The following CDH18 variants were observed in gnomAD, a reference collection of about 807,000 sequenced individuals.
The protein encoded by CDH18 is cadherin 18.
CDH18 carries 31 observed loss-of-function variants against 67.9 expected under a neutral mutation model. The ratio of observed to expected loss-of-function variants is 0.46; its 90% confidence interval spans 0.34 to 0.62. The LOEUF (loss-of-function observed/expected upper bound fraction) is 0.62, where lower values mean the gene tolerates loss of function less well. Ranked by LOEUF, CDH18 falls within the 20% of genes least tolerant of loss-of-function variation. The pLI, the probability that CDH18 is intolerant of heterozygous loss-of-function variation, is 0.01. For missense variants in CDH18, 890 were observed against 975.5 expected, an observed-to-expected ratio of 0.91 and a Z score of 1.17; for synonymous variants, 362 against 347.2, an observed-to-expected ratio of 1.04 and a Z score of -0.48.
intron 2 of CDH18, among the ~76,000 whole-genome samples, chr5:19,971,567 A>G (rs1009163261): frequency 8.6e-5 from 13 of 152,026 alleles, no homozygotes; most frequent in African/African-American, 2.9e-4. Flanking sequence ...ACTATGAAAC[A>G]TAAAACATAC....
At chr5:19,873,611 T>A (rs1255259736) in intron 2 of CDH18, among the ~76,000 whole-genome samples, 1 of 152,176 alleles carries the variant, frequency 6.6e-6, no homozygotes, top group Admixed American at 6.5e-5. Context: ...TGATGCATTA[T>A]CAACTTTATG....
At chr5:20,049,102 T>C (rs1741171413) in intron 2 of CDH18, among the ~76,000 whole-genome samples, 1 of 151,752 alleles carries the variant, frequency 6.6e-6, no homozygotes, top group Non-Finnish European at 1.5e-5. Flanking sequence ...AACTAACATG[T>C]ATTTACTAAA....
At chr5:20,151,594 A>T (rs1234166403) in intron 2 of CDH18, among the ~76,000 whole-genome samples, 1 of 152,124 alleles carries the variant, frequency 6.6e-6, no homozygotes. Flanking sequence ...ACTAATTTAC[A>T]TTCTCACCAA....
chr5:19,830,426 A>G (rs948469220), intron 3 of CDH18, among the ~76,000 whole-genome samples: 5 of 152,198 alleles, frequency 3.3e-5, no homozygotes, highest in Admixed American at 3.3e-4. Flanking sequence ...GCCAACAAGC[A>G]TATGAAAAAA....
intron 5 of CDH18, among the ~76,000 whole-genome samples, chr5:19,691,428 G>A (rs1371562119): frequency 6.6e-6 from 1 of 151,824 alleles, no homozygotes; most frequent in Admixed American, 6.6e-5. Flanking sequence ...AGGCAGACAA[G>A]TTGGAAAGGA....
chr5:19,755,263 T>C (rs1771383562), intron 3 of CDH18, among the ~76,000 whole-genome samples: 1 of 148,526 alleles, frequency 6.7e-6, no homozygotes, highest in Admixed American at 6.7e-5. Context: ...TAAATAAAAT[T>C]GATTGACCAT....
intron 9 of CDH18, among the ~76,000 whole-genome samples, chr5:19,541,354 T>G (rs185198428): frequency 6.6e-6 from 1 of 152,296 alleles, no homozygotes; most frequent in African/African-American, 2.4e-5. Flanking sequence ...TCCCACATTT[T>G]TTTTATCTTC....
rs200119172 is a variant in CDH18 at position 20,337,636 on chromosome 5, G to A, written c.-579-82131C>T. ...TGTTCATATCACTATCAGCATTTTTGTCAAAGCCATTCAACAAGTCTCTAG... is the reference window on the plus strand; with the variant it reads ...TGTTCATATCACTATCAGCATTTTTATCAAAGCCATTCAACAAGTCTCTAG... On this transcript the variant is annotated intron_variant, in intron 1 of 14. Coordinates refer to the CDH18 transcript ENST00000507958. 9.2e-5 allele frequency among the ~76,000 whole-genome samples: 14 copies of A among 152,166 alleles called. No individual in the cohort carries two copies. In the East Asian group the frequency reaches 2.5e-3, roughly 27 times the overall value.
intron 2 of CDH18, among the ~76,000 whole-genome samples, chr5:19,869,123 C>G (rs1170975486): frequency 6.6e-6 from 1 of 152,126 alleles, no homozygotes; most frequent in East Asian, 1.9e-4. Context: ...GCCATATGCA[C>G]ACTAGAATGC....
chr5:19,996,719 T>C (rs1454803721), intron 2 of CDH18, among the ~76,000 whole-genome samples: 1 of 152,020 alleles, frequency 6.6e-6, no homozygotes, highest in African/African-American at 2.4e-5. Context: ...TAATTTCTGT[T>C]CATATCCATT....
intron 10 of CDH18, among the ~76,000 whole-genome samples, chr5:19,512,400 T>A (rs947752962): frequency 6.6e-6 from 1 of 152,162 alleles, no homozygotes; most frequent in Admixed American, 6.6e-5. Flanking sequence ...AATTTTTAGA[T>A]CTCTGAGTAA....
At chr5:20,336,314 C>A in intron 1 of CDH18, among the ~76,000 whole-genome samples, 1 of 152,032 alleles carries the variant, frequency 6.6e-6, no homozygotes, top group East Asian at 1.9e-4. Flanking sequence ...GCTGGTTAGG[C>A]AGATAGAGAG....
In CDH18 at chr5:20,457,251, C is replaced by A. The variant is rs562068021; in HGVS notation, c.-580+118211G>T. On this transcript the variant is annotated intron_variant, in intron 1 of 14. Coordinates refer to the CDH18 transcript ENST00000507958. ...TTCAGGGTAGAGGCAAGACAATGTA[C>A]CATGTTAAAAAGAGGATAAAAAGAT... is the stretch of plus-strand genomic sequence containing the variant. 1.9e-3 allele frequency among the ~76,000 whole-genome samples: 290 copies of A among 152,064 alleles called. 3 individuals carry two copies. The highest frequency in any genetic ancestry group is 3.8e-3 in the Admixed American group (58 of 15,270).
intron 1 of CDH18, among the ~76,000 whole-genome samples, chr5:20,260,787 C>T (rs982123380): frequency 6.6e-6 from 1 of 152,122 alleles, no homozygotes; most frequent in Non-Finnish European, 1.5e-5. Context: ...TTGGTTAGGT[C>T]CTAAGGGCTA....
At chr5:19,705,614 GGT>G (rs1491196615) in intron 5 of CDH18, among the ~76,000 whole-genome samples, 1 of 152,096 alleles carries the variant, frequency 6.6e-6, no homozygotes, top group African/African-American at 2.4e-5. Context: ...TTCACCTACT[GGT>G]GTTATTGTTC....
At chr5:19,753,822 T>G (rs1234205577) in intron 3 of CDH18, among the ~76,000 whole-genome samples, 2 of 152,300 alleles carry the variant, frequency 1.3e-5, no homozygotes, top group Admixed American at 1.3e-4. Flanking sequence ...GGGCTGTATC[T>G]TCAGCTTCCT....
intron 2 of CDH18, among the ~76,000 whole-genome samples, chr5:20,008,003 A>G (rs555117006): frequency 1.3e-5 from 2 of 152,066 alleles, no homozygotes; most frequent in African/African-American, 4.8e-5. Flanking sequence ...TTTACAGAAA[A>G]ATTTGGCTGA....
intron 4 of CDH18, among the ~76,000 whole-genome samples, chr5:19,738,088 A>G (rs968657317): frequency 6.6e-6 from 1 of 152,138 alleles, no homozygotes; most frequent in African/African-American, 2.4e-5. Context: ...AAATGTATAT[A>G]ATTTGGGTTT....
chr5:19,733,231 T>C (rs1417338071), intron 4 of CDH18, among the ~76,000 whole-genome samples: 2 of 152,188 alleles, frequency 1.3e-5, no homozygotes, highest in Admixed American at 1.3e-4. Context: ...CCTGTCTTCC[T>C]CTTTGTAGTG....
Sources: gnomAD v4.1 joint callset for allele counts (sites outside exome capture counted in the v4.1 genomes callset) on GRCh38, gnomAD v4.1.1 for gene constraint, MANE v1.5 for transcripts, NCBI Gene and HGNC (gene_info 2026-07-23, HGNC 2026-07-21) for gene names.